Variants in PTBP3 observed in about 807,000 individuals in gnomAD.
PTBP3 encodes polypyrimidine tract binding protein 3, also known as polypyrimidine tract-binding protein 3.
Under a neutral mutation model 58.7 loss-of-function variants are expected in PTBP3, and 20 were observed. That is an observed-to-expected ratio of 0.34 (90% CI 0.24 to 0.50). The LOEUF (loss-of-function observed/expected upper bound fraction) is 0.50, where lower values mean the gene tolerates loss of function less well. PTBP3 is among the 20% of genes least tolerant of loss of function. The pLI is 0.98. For missense variants in PTBP3, 509 were observed against 637.2 expected (o/e 0.80, Z 2.17); for synonymous variants, 185 against 219.8 (o/e 0.84, Z 1.40).
At chr9:112,224,346 AG>A in intron 12 of PTBP3, 136 bp from the exon 13 acceptor site, 1 of 530,528 alleles carries the variant, frequency 1.9e-6, no homozygotes, top group Non-Finnish European at 3.2e-6. Context: ...TTGATTTGGA[AG>A]TTCCCTGAAA....
At chr9:112,343,172 G>A in the PTBP3 span, among the ~76,000 whole-genome samples, 1 of 151,638 alleles carries the variant, frequency 6.6e-6, no homozygotes. Context: ...GTTAACATTA[G>A]GGGAATCTGG....
chr9:112,377,387 T>G, the PTBP3 span, among the ~76,000 whole-genome samples: 45 of 152,144 alleles, frequency 3.0e-4, no homozygotes, highest in Non-Finnish European at 5.7e-4. Flanking sequence ...TGTACTAGAC[T>G]GTCTTAGTAT....
chr9:112,262,331 TA>T, intron 5 of PTBP3, 103 bp downstream of exon 5: 1 of 980,420 alleles, frequency 1.0e-6, no homozygotes, highest in African/African-American at 1.7e-5. Flanking sequence ...TTTAAACAAA[TA>T]TATCAACAAA....
chr9:112,333,697 C>T, upstream of PTBP3: 1 of 431,972 alleles, frequency 2.3e-6, no homozygotes, highest in Non-Finnish European at 4.0e-6. Context: ...CGCGTCCCCG[C>T]CTAGCCCGAC....
At chr9:112,272,915 T>C (rs1371911445) in intron 3 of PTBP3, 1 of 152,246 alleles carries the variant, frequency 6.6e-6, no homozygotes, top group African/African-American at 2.4e-5. Flanking sequence ...TATGCATTTG[T>C]TACCAACAAA....
chr9:112,288,493 G>A (rs953143876), intron 2 of PTBP3, among the ~76,000 whole-genome samples: 5 of 152,064 alleles, frequency 3.3e-5, no homozygotes, highest in African/African-American at 1.2e-4. Context: ...CTCAGCAATT[G>A]TGCCATGTCT....
chr9:112,294,353 T>C (rs1048977821), intron 2 of PTBP3, among the ~76,000 whole-genome samples: 1 of 152,006 alleles, frequency 6.6e-6, no homozygotes, highest in African/African-American at 2.4e-5. Context: ...GCCCCATCTC[T>C]ACAGAAAATA....
rs979523530 is a variant in PTBP3, at chr9:112,262,021, A to C, written c.516+414T>G. On this transcript the variant is annotated intron_variant, in intron 5 of 13. Coordinates refer to ENST00000374257, the MANE Select transcript of PTBP3 (RefSeq NM_001163788.4). Reference sequence around the variant, plus strand: ...AGTCAATATTTAACATGGTATATTCATATTACACATGAAGACTTATTGAAC... The same window carrying C: ...AGTCAATATTTAACATGGTATATTCCTATTACACATGAAGACTTATTGAAC... Among the ~76,000 whole-genome samples, 34 of 152,218 alleles carry C rather than the reference A, an allele frequency of 2.2e-4. 1 individual carries two copies. The highest frequency in any genetic ancestry group is 2.0e-3 in the Admixed American group (31 of 15,284).
intron 4 of PTBP3, among the ~76,000 whole-genome samples, chr9:112,265,505 G>C (rs193203966): frequency 6.6e-6 from 1 of 151,814 alleles, no homozygotes; most frequent in Non-Finnish European, 1.5e-5. Flanking sequence ...CCTGGACAAA[G>C]AGCAAAATTC....
chr9:112,330,320 G>T, intron 1 of PTBP3: 1 of 702,770 alleles, frequency 1.4e-6, no homozygotes, highest in Non-Finnish European at 2.4e-6. Flanking sequence ...TACTTATTTT[G>T]GAGCTAAGTA....
intron 7 of PTBP3, among the ~76,000 whole-genome samples, chr9:112,239,565 C>G (rs541508580): frequency 6.6e-6 from 1 of 151,692 alleles, no homozygotes; most frequent in Non-Finnish European, 1.5e-5. Flanking sequence ...CCCCGCCTCT[C>G]TATAAAAACT....
chr9:112,231,736 T>C (rs1381616800), intron 9 of PTBP3, among the ~76,000 whole-genome samples: 1 of 124,380 alleles, frequency 8.0e-6, no homozygotes. Flanking sequence ...ATCCTGTTTT[T>C]ACAAAAGAAT....
At chr9:112,309,943 C>T (rs1202126944) in intron 1 of PTBP3, among the ~76,000 whole-genome samples, 2 of 152,124 alleles carry the variant, frequency 1.3e-5, no homozygotes, top group African/African-American at 2.4e-5. Context: ...TTTCCATAGC[C>T]TCCTGTAACT....
At chr9:112,284,779 T>C (rs1043095668) in intron 2 of PTBP3, among the ~76,000 whole-genome samples, 3 of 152,174 alleles carry the variant, frequency 2.0e-5, no homozygotes, top group Non-Finnish European at 4.4e-5. Flanking sequence ...TTGAACCTGC[T>C]TAGGAGCCTA....
chr9:112,275,215 A>G (rs1339729995), intron 3 of PTBP3, among the ~76,000 whole-genome samples: 3 of 151,636 alleles, frequency 2.0e-5, no homozygotes. Context: ...GGCTCACTGC[A>G]TCCTCCACCT....
At chr9:112,273,912 T>TA (rs1827496584) in intron 3 of PTBP3, among the ~76,000 whole-genome samples, 1 of 152,182 alleles carries the variant, frequency 6.6e-6, no homozygotes, top group Non-Finnish European at 1.5e-5. Context: ...ACATAACACT[T>TA]ACAGTTAGCT....
In PTBP3 at chr9:112,275,958, G is replaced by A. The variant is rs775143780; in HGVS notation, c.90C>T (p.Ser30=). ...FKRDRPPCSP[S]RVLHLRKIPC... ...GAATTTTTCGAAGATGGAGAACACGGGAAGGCGAACAGGGAGGTCTATCTC... is the reference window on the plus strand; with the variant it reads ...GAATTTTTCGAAGATGGAGAACACGAGAAGGCGAACAGGGAGGTCTATCTC... The change falls in exon 3 of 14, where the codon TCC becomes TCT. Residue 30 remains serine, a synonymous_variant. Coordinates refer to ENST00000374257, the MANE Select transcript of PTBP3 (RefSeq NM_001163788.4). 7 of 1,613,590 alleles carry A rather than the reference G, an allele frequency of 4.3e-6. No homozygotes were observed. Among genetic ancestry groups the A allele is most frequent in the Non-Finnish European group, 5.1e-6 (6 of 1,179,572 alleles).
intron 1 of PTBP3, among the ~76,000 whole-genome samples, chr9:112,325,269 A>C (rs541871766): frequency 2.6e-4 from 40 of 152,314 alleles, no homozygotes; most frequent in African/African-American, 8.9e-4. Context: ...ATCACTTAAC[A>C]TATGTGCAGT....
intron 2 of PTBP3, among the ~76,000 whole-genome samples, chr9:112,276,796 T>C (rs1028859021): frequency 1.3e-5 from 2 of 152,178 alleles, no homozygotes; most frequent in Admixed American, 1.3e-4. Context: ...GTTTCAATAC[T>C]GAGAATAACT....
Sources: allele counts gnomAD v4.1 joint callset (sites outside exome capture counted in the v4.1 genomes callset), GRCh38; gene constraint gnomAD v4.1.1; transcripts MANE v1.5; gene names NCBI Gene and HGNC (gene_info 2026-07-23, HGNC 2026-07-21).